The following INSL6 variants were observed in gnomAD, a reference collection of about 807,000 sequenced individuals.
INSL6 encodes insulin like 6.
A neutral mutation model predicts 9.4 loss-of-function variants in INSL6; 16 were observed. The observed-to-expected ratio is 1.70, with a 90% CI of 1.15 to 2.59. The LOEUF is 2.59. INSL6 is among the 30% of genes most tolerant of loss of function. The pLI is 0.00. For synonymous variants in INSL6, 154 were observed against 96.9 expected, an observed-to-expected ratio of 1.59 and a Z score of -3.46; for missense variants, 391 against 257.3, an observed-to-expected ratio of 1.52 and a Z score of -3.56.
the INSL6 span, chr9:5,110,558 ACC>A: frequency 2.4e-4 from 41 of 170,082 alleles, no homozygotes; most frequent in African/African-American, 4.8e-5. Context: ...TCAAGACTTT[ACC>A]CTTCACTTCC....
chr9:5,165,860 A>G (rs928934905), intron 1 of INSL6, among the ~76,000 whole-genome samples: 1 of 152,184 alleles, frequency 6.6e-6, no homozygotes, highest in African/African-American at 2.4e-5. Flanking sequence ...CTAGGAGGAT[A>G]TATTTGCCAA....
At chr9:5,073,572 G>C in the INSL6 span, 1 of 727,642 alleles carries the variant, frequency 1.4e-6, no homozygotes, top group East Asian at 2.5e-5. Context: ...AAAGCACATT[G>C]TATCCTCATC....
chr9:5,038,873 A>G, the INSL6 span, among the ~76,000 whole-genome samples: 1 of 152,218 alleles, frequency 6.6e-6, no homozygotes. Context: ...AATCAATGTA[A>G]TACACCACAT....
At chr9:5,171,737 C>T (rs771460705) in intron 1 of INSL6, among the ~76,000 whole-genome samples, 6 of 152,208 alleles carry the variant, frequency 3.9e-5, no homozygotes, top group Non-Finnish European at 7.4e-5. Context: ...AACTCCTATT[C>T]ACAATTGCTA....
At chr9:4,996,528 A>G in the INSL6 span, among the ~76,000 whole-genome samples, 1 of 152,036 alleles carries the variant, frequency 6.6e-6, no homozygotes, top group Non-Finnish European at 1.5e-5. Flanking sequence ...TATATGTATA[A>G]TTTATTTTTT....
At chr9:5,005,183 C>A in the INSL6 span, among the ~76,000 whole-genome samples, 2 of 137,804 alleles carry the variant, frequency 1.5e-5, no homozygotes, top group African/African-American at 5.4e-5. Flanking sequence ...CTCCTGGTCT[C>A]AAGTAATCCT....
chr9:5,171,231 A>C (rs1466681614), intron 1 of INSL6, among the ~76,000 whole-genome samples: 1 of 152,234 alleles, frequency 6.6e-6, no homozygotes, highest in Admixed American at 6.5e-5. Flanking sequence ...ATCTAAAGAC[A>C]AAAACCACAA....
At chr9:5,177,626 C>T (rs370761978) in intron 1 of INSL6, among the ~76,000 whole-genome samples, 140 of 152,362 alleles carry the variant, frequency 9.2e-4, no homozygotes, top group African/African-American at 3.1e-3. Context: ...TTGTTCTGCA[C>T]GTCCCACTTC....
the INSL6 span, among the ~76,000 whole-genome samples, chr9:5,058,140 G>A: frequency 6.6e-6 from 1 of 152,098 alleles, no homozygotes; most frequent in Admixed American, 6.5e-5. Flanking sequence ...GAGTAATGCT[G>A]CTGTGAACAT....
chr9:5,086,129 GC>G, the INSL6 span: 2 of 383,106 alleles, frequency 5.2e-6, no homozygotes, highest in South Asian at 3.1e-5. Flanking sequence ...GCGGCGCGCG[GC>G]CCCGGCGGCC....
chr9:5,076,247 G>C, the INSL6 span, among the ~76,000 whole-genome samples: 1 of 152,196 alleles, frequency 6.6e-6, no homozygotes, highest in Admixed American at 6.5e-5. Context: ...CAGTTGCAGG[G>C]TTTGAGAGGA....
the INSL6 span, chr9:5,089,608 A>G: frequency 7.4e-6 from 5 of 672,718 alleles, no homozygotes; most frequent in African/African-American, 9.4e-5. Context: ...CTATATAATT[A>G]TAAAATTTAT....
At chr9:5,108,590 C>T in the INSL6 span, 2 of 152,044 alleles carry the variant, frequency 1.3e-5, 1 homozygote, top group South Asian at 4.2e-4. Flanking sequence ...ATGTAGAAGC[C>T]CCTATTGCCG....
At chr9:5,054,827 C>CGT in the INSL6 span, 1 of 1,611,870 alleles carries the variant, frequency 6.2e-7, no homozygotes, top group African/African-American at 1.3e-5. This position sits in a 1 kb window ranked among gnomAD's most constrained non-coding sequence, Gnocchi z 4.9. Flanking sequence ...TAACTGGAAA[C>CGT]GGTGGAATTC....
At chr9:5,036,536 C>T in the INSL6 span, among the ~76,000 whole-genome samples, 1 of 151,088 alleles carries the variant, frequency 6.6e-6, no homozygotes, top group Non-Finnish European at 1.5e-5. Flanking sequence ...GAGATATAGA[C>T]CAATGGAAAG....
chr9:5,070,047 A>G, the INSL6 span: 1 of 1,600,276 alleles, frequency 6.2e-7, no homozygotes, highest in Non-Finnish European at 8.5e-7. Flanking sequence ...TGAAGATTTG[A>G]TATTTGTAAG....
chr9:5,112,441 GAGA>G, the INSL6 span: 171 of 526,910 alleles, frequency 3.2e-4, no homozygotes, highest in Non-Finnish European at 4.3e-4. Flanking sequence ...CACTCAAGAG[GAGA>G]AGAAGGAGCT....
At chr9:5,136,015 A>T (rs1824381416) in intron 2 of INSL6, among the ~76,000 whole-genome samples, 1 of 152,256 alleles carries the variant, frequency 6.6e-6, no homozygotes, top group South Asian at 2.1e-4. Flanking sequence ...AATAAACTAG[A>T]AAATCTAGAA....
intron 2 of INSL6, among the ~76,000 whole-genome samples, chr9:5,154,150 A>T (rs566448492): frequency 1.3e-5 from 2 of 152,240 alleles, no homozygotes; most frequent in African/African-American, 4.8e-5. Flanking sequence ...ACAGAACAGA[A>T]GCCTCAGAAA....
Sources: allele counts gnomAD v4.1 joint callset (sites outside exome capture counted in the v4.1 genomes callset), GRCh38; gene constraint gnomAD v4.1.1; non-coding constraint Gnocchi (gnomAD v3.1); transcripts MANE v1.5; gene names NCBI Gene and HGNC (gene_info 2026-07-23, HGNC 2026-07-21).